PTPRD: variants seen among roughly 807,000 people sequenced by gnomAD.
PTPRD encodes the protein protein tyrosine phosphatase receptor type D.
Under a neutral mutation model 214.5 loss-of-function variants are expected in PTPRD, and 34 were observed. That is an observed-to-expected ratio of 0.16 (90% CI 0.12 to 0.21). PTPRD has a LOEUF of 0.21. Among genes scored for constraint, PTPRD ranks in the 10% least tolerant of loss-of-function variants. PTPRD has a pLI of 1.00. For synonymous variants in PTPRD, 1,128 were observed against 845.7 expected, an observed-to-expected ratio of 1.33 and a Z score of -5.79; for missense variants, 2,545 against 2,398.7, an observed-to-expected ratio of 1.06 and a Z score of -1.27.
chr9:10,479,521 A>C (rs1312419613), intron 2 of PTPRD, among the ~76,000 whole-genome samples: 2 of 152,198 alleles, frequency 1.3e-5, no homozygotes, highest in East Asian at 3.9e-4. Context: ...CAGACAGAAT[A>C]TACTTTGAAA....
intron 7 of PTPRD, among the ~76,000 whole-genome samples, chr9:9,582,469 G>A (rs2091044060): frequency 6.6e-6 from 1 of 152,042 alleles, no homozygotes; most frequent in Non-Finnish European, 1.5e-5. Context: ...AAATGACAGT[G>A]TGGCATGTTA....
chr9:9,347,165 T>C (rs1320910833), intron 9 of PTPRD, among the ~76,000 whole-genome samples: 1 of 152,112 alleles, frequency 6.6e-6, no homozygotes, highest in East Asian at 1.9e-4. Flanking sequence ...TGAGGCTCTG[T>C]TTGAAACAAA....
intron 9 of PTPRD, among the ~76,000 whole-genome samples, chr9:9,263,539 A>G (rs944291572): frequency 4.6e-5 from 7 of 151,818 alleles, no homozygotes; most frequent in African/African-American, 1.7e-4. Flanking sequence ...TAACTTCATG[A>G]AAGCATTATA....
intron 2 of PTPRD, among the ~76,000 whole-genome samples, chr9:10,470,795 CTCAAAAGGAAA>C (rs2099025558): frequency 6.6e-6 from 1 of 151,954 alleles, no homozygotes; most frequent in Non-Finnish European, 1.5e-5. Context: ...AGTATCAGTT[CTCAAAAGGAAA>C]CAGGAGTGGT....
At chr9:8,843,688 G>T (rs2097618795) in intron 11 of PTPRD, among the ~76,000 whole-genome samples, 1 of 152,126 alleles carries the variant, frequency 6.6e-6, no homozygotes, top group Non-Finnish European at 1.5e-5. Flanking sequence ...CATCTCCTGA[G>T]TTTTGATGAG....
chr9:8,437,261 A>G, intron 34 of PTPRD: 3 of 1,475,126 alleles, frequency 2.0e-6, no homozygotes, highest in Non-Finnish European at 2.7e-6. Flanking sequence ...ATGATGGTGT[A>G]AATAAAATAA....
intron 2 of PTPRD, among the ~76,000 whole-genome samples, chr9:10,388,719 C>T (rs915164966): frequency 1.1e-4 from 16 of 151,920 alleles, no homozygotes; most frequent in Admixed American, 2.6e-4. Context: ...ATCACTGTGA[C>T]CTTAGTCATG....
At chr9:9,662,716 T>A (rs1031980564) in intron 7 of PTPRD, among the ~76,000 whole-genome samples, 1 of 151,682 alleles carries the variant, frequency 6.6e-6, no homozygotes, top group South Asian at 2.1e-4. Context: ...AGACAACACA[T>A]ATCTACTGAA....
chr9:9,848,957 A>T (rs1011041464), intron 5 of PTPRD, among the ~76,000 whole-genome samples: 1 of 152,018 alleles, frequency 6.6e-6, no homozygotes, highest in African/African-American at 2.4e-5. Context: ...TTATTGAATA[A>T]TCCAACATAC....
At chr9:10,196,530 T>C (rs536993563) in intron 3 of PTPRD, among the ~76,000 whole-genome samples, 3 of 152,164 alleles carry the variant, frequency 2.0e-5, no homozygotes, top group Non-Finnish European at 4.4e-5. Context: ...CCTTATCATT[T>C]CCTATAAGAA....
intron 14 of PTPRD, among the ~76,000 whole-genome samples, chr9:8,548,732 T>C (rs1400178423): frequency 7.2e-6 from 1 of 139,390 alleles, no homozygotes; most frequent in Non-Finnish European, 1.5e-5. Flanking sequence ...TTCTCTCTTG[T>C]TGCCCAGGCT....
rs186347972 is a variant in PTPRD at position 8,856,003 on chromosome 9, C to T, written c.-103-122057G>A. On this transcript the variant is annotated intron_variant, in intron 11 of 45. Transcript: ENST00000381196. Reference sequence around the variant, plus strand: ...CTCCATTGAAAAGCAAAGTACAGTACATAATTATGGAATGTGGGAGGTAGG... The same window carrying T: ...CTCCATTGAAAAGCAAAGTACAGTATATAATTATGGAATGTGGGAGGTAGG... 9.9e-4 allele frequency among the ~76,000 whole-genome samples: 150 copies of T among 152,230 alleles called. 1 individual carries two copies. The highest frequency in any genetic ancestry group is 3.4e-3 in the African/African-American group (141 of 41,562).
chr9:8,355,739 C>G (rs573352398), intron 39 of PTPRD, among the ~76,000 whole-genome samples: 1 of 152,256 alleles, frequency 6.6e-6, no homozygotes, highest in African/African-American at 2.4e-5. Flanking sequence ...GAACATGCTG[C>G]TAGGGACTGT....
intron 3 of PTPRD, among the ~76,000 whole-genome samples, chr9:10,207,963 T>G (rs1424848564): frequency 6.6e-6 from 1 of 152,200 alleles, no homozygotes; most frequent in Non-Finnish European, 1.5e-5. Context: ...CAGAGTTGTT[T>G]CCTTGGAGAA....
chr9:8,832,991 T>G (rs1195891206), intron 11 of PTPRD, among the ~76,000 whole-genome samples: 2 of 152,154 alleles, frequency 1.3e-5, no homozygotes, highest in African/African-American at 4.8e-5. Flanking sequence ...GACATTTTCT[T>G]TCCTATTCTT....
At chr9:9,469,783 C>T (rs1294469294) in intron 8 of PTPRD, among the ~76,000 whole-genome samples, 1 of 151,994 alleles carries the variant, frequency 6.6e-6, no homozygotes, top group Non-Finnish European at 1.5e-5. Context: ...TCTTATTATG[C>T]TTATATATTA....
chr9:8,449,178 T>C (rs990394809), intron 34 of PTPRD, among the ~76,000 whole-genome samples: 1 of 152,186 alleles, frequency 6.6e-6, no homozygotes, highest in Admixed American at 6.5e-5. Context: ...TGTTTCTCTC[T>C]AGTAAGAAGC....
rs140368416 is a variant in PTPRD at position 9,336,236 on chromosome 9, G to C, written c.-203+61213C>G. ...TCTTCCTCCAGAGAGAGTTACACAT[G>C]TTTAGCTCTGATGTTATCTCTGGAA... On this transcript the variant is annotated intron_variant, in intron 9 of 45. Coordinates refer to ENST00000381196, the MANE Select transcript of PTPRD (RefSeq NM_002839.4). Among the ~76,000 whole-genome samples the C allele has an allele frequency of 3.7e-3, 562 of 152,172 alleles. 5 individuals carry two copies. The highest frequency in any genetic ancestry group is 0.013 in the African/African-American group (535 of 41,502).
chr9:8,355,050 T>A (rs1252722529), intron 39 of PTPRD, among the ~76,000 whole-genome samples: 1 of 152,126 alleles, frequency 6.6e-6, no homozygotes, highest in Non-Finnish European at 1.5e-5. Flanking sequence ...GATATGATCC[T>A]CAATGGTGGA....
Sources: gnomAD v4.1 joint callset for allele counts (sites outside exome capture counted in the v4.1 genomes callset) on GRCh38, gnomAD v4.1.1 for gene constraint, MANE v1.5 for transcripts, NCBI Gene and HGNC (gene_info 2026-07-23, HGNC 2026-07-21) for gene names.